Variants in SMARCC1 observed in about 807,000 individuals in gnomAD.
SMARCC1 encodes the protein SWI/SNF related BAF chromatin remodeling complex subunit C1, also known as SWI/SNF complex subunit SMARCC1.
In SMARCC1, 43 loss-of-function variants were observed where a neutral mutation model predicts 147.4. The ratio of observed to expected loss-of-function variants is 0.29; its 90% CI spans 0.23 to 0.38. The LOEUF (loss-of-function observed/expected upper bound fraction) is 0.38. Ranked by LOEUF, SMARCC1 falls within the 10% of genes least tolerant of loss-of-function variation. The pLI is 1.00. For missense variants in SMARCC1, 1,119 were observed against 1,381.1 expected, an observed-to-expected ratio of 0.81 and a Z score of 3.01; for synonymous variants, 495 against 484.4, an observed-to-expected ratio of 1.02 and a Z score of -0.29.
chr3:47,734,490 C>T (rs74551416), intron 5 of SMARCC1, among the ~76,000 whole-genome samples: 4,566 of 152,110 alleles, frequency 0.03, 111 homozygotes, highest in Non-Finnish European at 0.044. Context: ...TCTTTTGCAG[C>T]AGGAAAAAAA....
intron 11 of SMARCC1, among the ~76,000 whole-genome samples, chr3:47,695,824 T>C (rs2106780601): frequency 6.9e-6 from 1 of 144,576 alleles, no homozygotes; most frequent in African/African-American, 2.6e-5. Context: ...CCCAGCACTT[T>C]AGGCAGCTGA....
chr3:47,720,613 GC>G, intron 7 of SMARCC1, 52 bp downstream of exon 7: 1 of 1,134,368 alleles, frequency 8.8e-7, no homozygotes, highest in Non-Finnish European at 1.3e-6. Flanking sequence ...AAATAAATGT[GC>G]CTTCCTTTCA....
intron 9 of SMARCC1, 39 bp downstream of exon 9, chr3:47,710,644 G>A (rs368080135): frequency 6.9e-6 from 11 of 1,602,726 alleles, no homozygotes; most frequent in Non-Finnish European, 9.4e-6. Flanking sequence ...AGGCCAAGAA[G>A]ACAGACTTAA....
chr3:47,729,626 GCTGC>G (rs2034345429), intron 5 of SMARCC1, among the ~76,000 whole-genome samples: 1 of 152,106 alleles, frequency 6.6e-6, no homozygotes, highest in African/African-American at 2.4e-5. Context: ...CCTTAGGTGA[GCTGC>G]CTGCCTTGGC....
At chr3:47,776,104 C>A (rs1486858910) in intron 1 of SMARCC1, among the ~76,000 whole-genome samples, 1 of 151,708 alleles carries the variant, frequency 6.6e-6, no homozygotes. Flanking sequence ...GCCGAAAGTG[C>A]GCCACTGCAC....
chr3:47,701,151 A>T (rs2033912243), intron 11 of SMARCC1, 127 bp downstream of exon 11: 2 of 683,494 alleles, frequency 2.9e-6, no homozygotes, highest in Admixed American at 3.1e-5. Flanking sequence ...AGATATCCAT[A>T]AAAGGGACAA....
chr3:47,653,302 T>C (rs1250243833), intron 21 of SMARCC1, among the ~76,000 whole-genome samples: 1 of 152,184 alleles, frequency 6.6e-6, no homozygotes, highest in Non-Finnish European at 1.5e-5. Context: ...TCTTTTCTTA[T>C]CCAAATTCAC....
Position 47,661,368 on chromosome 3 carries a change from C to A in SMARCC1, c.2246G>T (p.Gly749Val), listed in dbSNP as rs2106735526. The change falls in exon 21 of 28, where the codon GGG (glycine) becomes GTG (valine). Residue 749 changes from glycine (G) to valine (V), a missense_variant. Physicochemically the swap from Gly to Val is moderately radical, Grantham distance 109. Around this residue, in one of 6 missense-constraint regions of SMARCC1, gnomAD observed 157 missense variants for 158.6 expected, o/e 0.99. Transcript: ENST00000254480. ...CAGACCGTAGGTGGGATCCACTTTC[C>A]CAGAGGCTCGTGCTGCTTCTTGTAC... ...KKVQEAARAS[G>V]KVDPTYGLES... is the part of the protein sequence containing the mutation. 1 of 1,613,916 alleles carries A rather than the reference C, an allele frequency of 6.2e-7. No individual in the cohort carries two copies. The highest frequency in any genetic ancestry group is 8.5e-7 in the Non-Finnish European group (1 of 1,179,928).
chr3:47,703,059 C>G (rs2033945470), intron 10 of SMARCC1, among the ~76,000 whole-genome samples: 1 of 152,160 alleles, frequency 6.6e-6, no homozygotes. Flanking sequence ...TCCCCAGTAG[C>G]TGGGATTACA....
rs150769650 is a variant in SMARCC1, at chr3:47,673,593, G to C, written c.1839+1882C>G. On this transcript the variant is annotated intron_variant, in intron 18 of 27. Transcript: ENST00000254480. ...AATCCCAGCTATTTGGGAGGCTAAG[G>C]CAGGAGAATCACTTGAACCGTGGAG... 3.9e-4 allele frequency among the ~76,000 whole-genome samples: 59 copies of C among 152,316 alleles called. 1 individual carries two copies. In the East Asian group the frequency reaches 0.011, roughly 28 times the overall value.
chr3:47,631,773 A>T (rs1417158158), intron 24 of SMARCC1, among the ~76,000 whole-genome samples: 1 of 152,240 alleles, frequency 6.6e-6, no homozygotes, highest in Non-Finnish European at 1.5e-5. Context: ...GTTTATAGAC[A>T]CAGAAGAAAA....
chr3:47,671,199 C>CAAAAAAAAAAAA, intron 18 of SMARCC1, among the ~76,000 whole-genome samples: 1 of 42,790 alleles, frequency 2.3e-5, no homozygotes, highest in African/African-American at 8.1e-5. Flanking sequence ...AAAAAAAAAA[C>CAAAAAAAAAAAA]ACACACAAAA....
At chr3:47,773,792 G>A (rs1342711450) in intron 1 of SMARCC1, among the ~76,000 whole-genome samples, 3 of 151,572 alleles carry the variant, frequency 2.0e-5, no homozygotes, top group Admixed American at 6.6e-5. Context: ...CACCATGCCC[G>A]GCTAATTTTG....
intron 26 of SMARCC1, among the ~76,000 whole-genome samples, chr3:47,598,631 A>C (rs2032336404): frequency 6.6e-6 from 1 of 151,968 alleles, no homozygotes; most frequent in African/African-American, 2.4e-5. Context: ...GCAGATCAAG[A>C]CCAGCCTGGC....
rs375701526 is a variant in SMARCC1, at chr3:47,737,965, C to G, written c.483+64G>C. 12 of 1,241,240 alleles carry G rather than the reference C, an allele frequency of 9.7e-6. No individual in the cohort carries two copies. The African/African-American group carries it at 1.7e-4, about 17-fold the overall frequency. 76.9% of individuals were successfully genotyped at this position (1,241,240 alleles called of 1,614,324 possible). A position where few individuals can be genotyped will look rare whatever the true frequency, so the allele number is the denominator to read the frequency against. On this transcript the variant is annotated intron_variant, in intron 4 of 27. Transcript: ENST00000254480. Reference sequence around the variant, plus strand: ...GGCATGAGCCACCGCGCCTGGCCAGCCAATCTTAAAACTGAAAATATATTA... The same window carrying G: ...GGCATGAGCCACCGCGCCTGGCCAGGCAATCTTAAAACTGAAAATATATTA...
At chr3:47,768,603 G>T (rs982605321) in intron 2 of SMARCC1, among the ~76,000 whole-genome samples, 10 of 152,028 alleles carry the variant, frequency 6.6e-5, no homozygotes, top group African/African-American at 2.2e-4. Context: ...TTAATAAAGT[G>T]CAATCAATAT....
At chr3:47,595,505 C>A (rs1282177140) in intron 26 of SMARCC1, among the ~76,000 whole-genome samples, 6 of 150,958 alleles carry the variant, frequency 4.0e-5, no homozygotes, top group African/African-American at 1.5e-4. Context: ...CCAGCCTGGG[C>A]AACAAGAGTG....
chr3:47,675,127 C>G (rs1470641140), intron 18 of SMARCC1, among the ~76,000 whole-genome samples: 2 of 152,154 alleles, frequency 1.3e-5, no homozygotes, highest in East Asian at 3.8e-4. Flanking sequence ...ACTTTAGTTT[C>G]AATATATCTA....
chr3:47,738,466 A>G (rs541376519), intron 3 of SMARCC1, among the ~76,000 whole-genome samples: 28 of 152,180 alleles, frequency 1.8e-4, no homozygotes, highest in Non-Finnish European at 3.7e-4. Context: ...CGGGTGGATC[A>G]AGAGATCAAG....
Sources: gnomAD v4.1 joint callset for allele counts (sites outside exome capture counted in the v4.1 genomes callset) on GRCh38, gnomAD v4.1.1 for gene constraint, gnomAD v4.1.1 regional missense constraint, MANE v1.5 for transcripts, NCBI Gene and HGNC (gene_info 2026-07-23, HGNC 2026-07-21) for gene names.